Variants in ASIC2 observed in about 807,000 individuals in gnomAD.
ASIC2 encodes acid sensing ion channel subunit 2, also known as acid-sensing ion channel 2.
ASIC2 carries 25 observed loss-of-function variants against 57.3 expected under a neutral mutation model. The observed-to-expected ratio is 0.44, with a 90% CI of 0.32 to 0.61. The LOEUF (loss-of-function observed/expected upper bound fraction) is 0.61. ASIC2 is among the 20% of genes least tolerant of loss of function. The probability of loss-of-function intolerance (pLI) is 0.06; values close to 1 mark genes in which losing one functional copy is unlikely to be tolerated. For synonymous variants in ASIC2, 319 were observed against 307.5 expected (o/e 1.04, Z -0.39); for missense variants, 641 against 738.1 (o/e 0.87, Z 1.52).
intron 1 of ASIC2, among the ~76,000 whole-genome samples, chr17:33,983,074 G>A (rs1905685124): frequency 6.6e-6 from 1 of 152,180 alleles, no homozygotes; most frequent in South Asian, 2.1e-4. Flanking sequence ...AGCTGTGAGT[G>A]TGTGTGTACC....
chr17:33,417,107 C>T (rs963256710), intron 1 of ASIC2, among the ~76,000 whole-genome samples: 7 of 152,172 alleles, frequency 4.6e-5, no homozygotes, highest in African/African-American at 1.2e-4. Context: ...TCGTGTTCCT[C>T]TAGCTGCTGC....
chr17:33,174,572 T>C (rs1254461301), intron 1 of ASIC2, among the ~76,000 whole-genome samples: 2 of 152,150 alleles, frequency 1.3e-5, no homozygotes, highest in Non-Finnish European at 2.9e-5. Flanking sequence ...ATGCACATCT[T>C]AGTGGGGGCG....
At chr17:33,911,123 T>C (rs887484928) in intron 1 of ASIC2, among the ~76,000 whole-genome samples, 6 of 152,214 alleles carry the variant, frequency 3.9e-5, no homozygotes, top group Non-Finnish European at 5.9e-5. Flanking sequence ...GTCTTCACAC[T>C]GCAAAAAGCC....
chr17:33,486,803 T>C (rs1567627719), intron 1 of ASIC2, among the ~76,000 whole-genome samples: 1 of 152,226 alleles, frequency 6.6e-6, no homozygotes, highest in African/African-American at 2.4e-5. Flanking sequence ...CACTTCTCAC[T>C]GGCCAGCTTT....
chr17:34,088,204 T>C (rs1598017507), intron 1 of ASIC2, among the ~76,000 whole-genome samples: 1 of 152,228 alleles, frequency 6.6e-6, no homozygotes, highest in Admixed American at 6.5e-5. Flanking sequence ...GATGGTGATG[T>C]ACAGATGGGT....
At chr17:33,979,619 T>G (rs1287178931) in intron 1 of ASIC2, among the ~76,000 whole-genome samples, 1 of 152,148 alleles carries the variant, frequency 6.6e-6, no homozygotes, top group Non-Finnish European at 1.5e-5. Context: ...AGGAAAAAGT[T>G]ACAAAATCCC....
intron 1 of ASIC2, among the ~76,000 whole-genome samples, chr17:34,062,922 C>A (rs1000752744): frequency 6.6e-6 from 1 of 152,082 alleles, no homozygotes; most frequent in African/African-American, 2.4e-5. Context: ...GAATTCACAA[C>A]AGAATTCTAC....
At chr17:33,304,219 A>C (rs1906076742) in intron 1 of ASIC2, among the ~76,000 whole-genome samples, 2 of 152,238 alleles carry the variant, frequency 1.3e-5, no homozygotes, top group Admixed American at 1.3e-4. Flanking sequence ...GAGTAAAAAA[A>C]GATCTGAGTC....
At chr17:33,701,562 G>A (rs560973563) in intron 1 of ASIC2, among the ~76,000 whole-genome samples, 14 of 152,292 alleles carry the variant, frequency 9.2e-5, no homozygotes, top group Non-Finnish European at 1.6e-4. Context: ...ATTCCAAAGG[G>A]TGTTGGTCCC....
rs776387720 is a variant in ASIC2 at position 33,824,058 on chromosome 17, C to A, written c.555+331920G>T. 4.5e-4 allele frequency among the ~76,000 whole-genome samples: 68 copies of A among 152,096 alleles called. 1 individual carries two copies. Among genetic ancestry groups the A allele is most frequent in the Admixed American group, 1.4e-3 (21 of 15,264 alleles). On this transcript the variant is annotated intron_variant, in intron 1 of 9. Transcript: ENST00000359872. ...TGGCCCAGAAGGGTGACTTAAAAAA[C>A]AGAGAAAACATGGAGATTATAAGGA...
chr17:33,863,548 A>G (rs1367767191), intron 1 of ASIC2, among the ~76,000 whole-genome samples: 1 of 152,222 alleles, frequency 6.6e-6, no homozygotes, highest in East Asian at 1.9e-4. Flanking sequence ...TGGACTCAGC[A>G]TCAACTTTGG....
At chr17:33,963,224 C>T (rs551653967) in intron 1 of ASIC2, among the ~76,000 whole-genome samples, 8 of 152,264 alleles carry the variant, frequency 5.3e-5, no homozygotes, top group African/African-American at 1.9e-4. Flanking sequence ...CTTCCCATCT[C>T]GCAGCCTCCC....
chr17:34,036,129 CCAA>C (rs1298627743), intron 1 of ASIC2, among the ~76,000 whole-genome samples: 1 of 152,068 alleles, frequency 6.6e-6, no homozygotes, highest in African/African-American at 2.4e-5. Flanking sequence ...ACCTAAATGT[CCAA>C]CAACGATAGA....
intron 1 of ASIC2, among the ~76,000 whole-genome samples, chr17:34,095,720 T>TAG (rs1045165363): frequency 1.4e-5 from 2 of 141,928 alleles, no homozygotes; most frequent in Non-Finnish European, 3.0e-5. Context: ...ATTTTATATA[T>TAG]AGAGAGATAT....
intron 1 of ASIC2, among the ~76,000 whole-genome samples, chr17:34,091,738 A>G (rs1339160028): frequency 6.6e-6 from 1 of 152,252 alleles, no homozygotes; most frequent in Non-Finnish European, 1.5e-5. Flanking sequence ...CAAAGTGAAA[A>G]TGAGTTGAAG....
intron 1 of ASIC2, among the ~76,000 whole-genome samples, chr17:33,221,913 T>C (rs1032637110): frequency 3.3e-5 from 5 of 152,224 alleles, no homozygotes; most frequent in African/African-American, 9.6e-5. Context: ...TCACCGATGA[T>C]TGATTTGTAT....
At chr17:33,932,741 A>AAAATATATATATATATATATATAT (rs1555572867) in intron 1 of ASIC2, 2 of 58,708 alleles carry the variant, frequency 3.4e-5, no homozygotes, top group Admixed American at 2.5e-4. Flanking sequence ...AAAAAAAAAA[A>AAAATATATATATATATATATATAT]ATATATATAT....
chr17:33,232,403 T>C (rs1278771685), intron 1 of ASIC2, among the ~76,000 whole-genome samples: 1 of 150,268 alleles, frequency 6.7e-6, no homozygotes, highest in Non-Finnish European at 1.5e-5. Context: ...AGGTATGGTA[T>C]GGAATGGTAT....
intron 1 of ASIC2, among the ~76,000 whole-genome samples, chr17:33,586,785 A>T (rs1904651567): frequency 6.6e-6 from 1 of 152,108 alleles, no homozygotes; most frequent in African/African-American, 2.4e-5. Context: ...TCGACCTCAA[A>T]ATTATCCATC....
Sources: gnomAD v4.1 joint callset for allele counts (sites outside exome capture counted in the v4.1 genomes callset) on GRCh38, gnomAD v4.1.1 for gene constraint, MANE v1.5 for transcripts, NCBI Gene and HGNC (gene_info 2026-07-23, HGNC 2026-07-21) for gene names.